Variants in WSCD1 observed in about 807,000 individuals in gnomAD.
The protein encoded by WSCD1 is WSC domain sialate O sulfotransferase 1.
WSCD1 carries 41 observed loss-of-function variants against 60.4 expected under a neutral mutation model. The observed-to-expected ratio is 0.68, with a 90% CI of 0.53 to 0.88. The LOEUF (loss-of-function observed/expected upper bound fraction) is 0.88, where lower values mean the gene tolerates loss of function less well. WSCD1 is among the 40% of genes least tolerant of loss of function. The pLI, the probability that WSCD1 is intolerant of heterozygous loss-of-function variation, is 0.00. For synonymous variants in WSCD1, 361 were observed against 332.5 expected (o/e 1.09, Z -0.93); for missense variants, 784 against 796.2 (o/e 0.98, Z 0.18).
In WSCD1 at chr17:6,080,638, G is replaced by A. The variant is rs1909170076; in HGVS notation, c.-21G>A. 1 of 1,611,486 alleles carries A rather than the reference G, an allele frequency of 6.2e-7. No individual in the cohort carries two copies. Among genetic ancestry groups the A allele is most frequent in the African/African-American group, 1.3e-5 (1 of 74,760 alleles). On this transcript the variant is annotated 5_prime_UTR_variant, in exon 2 of 9. Coordinates refer to ENST00000317744, the MANE Select transcript of WSCD1 (RefSeq NM_015253.2). The surrounding 1 kb of genome is among the most constrained non-coding windows in gnomAD (Gnocchi z 6.6). Reference sequence around the variant, plus strand: ...AGGAGCCATCCCGGGGCTCCAGCCAGGAGCCCTGCTGCCCAGGGGCATGGC... The same window carrying A: ...AGGAGCCATCCCGGGGCTCCAGCCAAGAGCCCTGCTGCCCAGGGGCATGGC...
rs1597368545 is a variant in WSCD1, at chr17:6,109,618, G to A, written c.861G>A (p.Leu287=). 1.9e-6 allele frequency: 3 copies of A among 1,613,796 alleles called. 1 individual carries two copies. In the East Asian group the frequency reaches 6.7e-5, roughly 36 times the overall value. The part of the protein sequence containing the change: ...SGFCSQKEFP[L]AILRGWECYC... Reference sequence around the variant, plus strand: ...TCGTTCCCTGGCAGGAGTTCCCCTTGGCCATTCTCAGGGGCTGGGAATGCT... The same window carrying A: ...TCGTTCCCTGGCAGGAGTTCCCCTTAGCCATTCTCAGGGGCTGGGAATGCT... Residue 287 remains leucine (L), a synonymous_variant, in exon 6 of 9, where the codon TTG becomes TTA. Coordinates refer to ENST00000317744, the MANE Select transcript of WSCD1 (RefSeq NM_015253.2).
intron 2 of WSCD1, among the ~76,000 whole-genome samples, chr17:6,083,859 A>G (rs1909443417): frequency 6.6e-6 from 1 of 152,184 alleles, no homozygotes; most frequent in African/African-American, 2.4e-5. Flanking sequence ...TGCAGAGTGT[A>G]TATGTCTCAG....
intron 1 of WSCD1, among the ~76,000 whole-genome samples, chr17:6,076,531 C>T (rs1243884443): frequency 6.6e-6 from 1 of 152,194 alleles, no homozygotes; most frequent in Non-Finnish European, 1.5e-5. Context: ...CTTTTGCATT[C>T]ATAACCAATC....
In WSCD1 at chr17:6,080,811, C is replaced by CCT; in HGVS notation, c.154_155dup (p.Gln53CysfsTer41). 5.0e-6 allele frequency: 8 copies of CCT among 1,609,568 alleles called. No homozygotes were observed. The highest frequency in any genetic ancestry group is 6.8e-6 in the Non-Finnish European group (8 of 1,178,672). On this transcript the variant is annotated frameshift_variant, in exon 2 of 9. Transcript: ENST00000317744. LOFTEE classifies it high-confidence loss of function. The surrounding 1 kb of genome is among the most constrained non-coding windows in gnomAD (Gnocchi z 6.6). Reference sequence around the variant, plus strand: ...CACAGGGCCCCCGGGCACCCGGCCCCCTGCAGACCTTGCCAGTGGCCGCCG... The same window carrying CCT: ...CACAGGGCCCCCGGGCACCCGGCCCCCTCTGCAGACCTTGCCAGTGGCCGCCG...
chr17:6,084,116 C>T (rs1909462588), intron 2 of WSCD1, among the ~76,000 whole-genome samples: 1 of 152,222 alleles, frequency 6.6e-6, no homozygotes, highest in Non-Finnish European at 1.5e-5. Flanking sequence ...CAGTGGCTCC[C>T]AGACCTCCCC....
Position 6,080,875 on chromosome 17 carries a change from C to T in WSCD1, c.217C>T (p.His73Tyr). 2 of 1,604,118 alleles carry T rather than the reference C, an allele frequency of 1.2e-6. No homozygotes were observed. The highest frequency in any genetic ancestry group is 8.5e-7 in the Non-Finnish European group (1 of 1,178,244). The change falls in exon 2 of 9, where the codon CAC becomes TAC. Residue 73 changes from histidine (H) to tyrosine (Y), a missense_variant. His to Tyr is a moderately conservative substitution (Grantham distance 83). Coordinates refer to ENST00000317744, the MANE Select transcript of WSCD1 (RefSeq NM_015253.2). The surrounding 1 kb of genome is among the most constrained non-coding windows in gnomAD (Gnocchi z 6.6). ...GGGCTTGCTGGACAGCAGAGCCCTG[C>T]ACGACCCTCGAGTCAGCCCAGAGCT... is the stretch of plus-strand genomic sequence containing the variant. ...GVGLLDSRAL[H>Y]DPRVSPELLL...
intron 2 of WSCD1, among the ~76,000 whole-genome samples, chr17:6,087,424 T>C (rs1457563501): frequency 2.0e-5 from 3 of 152,210 alleles, no homozygotes; most frequent in African/African-American, 7.2e-5. Context: ...CTTAACAGAC[T>C]CTGCGGACAC....
chr17:6,072,803 G>C (rs1201776936), intron 1 of WSCD1, among the ~76,000 whole-genome samples: 1 of 152,150 alleles, frequency 6.6e-6, no homozygotes, highest in Non-Finnish European at 1.5e-5. Flanking sequence ...TGACAATCGT[G>C]CTGACATACG....
At position 6,091,960 on chromosome 17, in the gene WSCD1, G is replaced by T. The variant is rs185996723; in HGVS notation, c.727+1455G>T. Among the ~76,000 whole-genome samples the T allele has an allele frequency of 6.9e-3, 1,044 of 152,230 alleles. 13 individuals carry two copies. The highest frequency in any genetic ancestry group is 0.012 in the African/African-American group (492 of 41,544). On this transcript the variant is annotated intron_variant, in intron 4 of 8. Coordinates refer to ENST00000317744, the MANE Select transcript of WSCD1 (RefSeq NM_015253.2). ...TCATGAGGTCAGGAGTTCGAGACCA[G>T]CCTGACCAACATGGTGAAAACCCGT...
Position 6,090,462 on chromosome 17 carries a change from C to G in WSCD1, c.684C>G (p.Leu228=), listed in dbSNP as rs757757866. The change falls in exon 4 of 9, where the codon CTC becomes CTG. Residue 228 remains leucine, a synonymous_variant. Transcript: ENST00000317744. ...KGSVCGAVDR[L]SVYRVDELQP... ...CTGTGTGCGGGGCTGTGGACCGGCT[C>G]TCCGTGTACCGTGTGGACGAGCTGC... The G allele has an allele frequency of 1.9e-6, 3 of 1,613,414 alleles. No homozygotes were observed. The highest frequency in any genetic ancestry group is 2.2e-5 in the South Asian group (2 of 90,984).
intron 3 of WSCD1, among the ~76,000 whole-genome samples, 198 bp downstream of exon 3, chr17:6,088,302 C>G (rs1044817629): frequency 6.6e-6 from 1 of 151,746 alleles, no homozygotes; most frequent in Admixed American, 6.6e-5. Context: ...GGGTGATGGC[C>G]TGGGTGCTGA....
At chr17:6,107,708 TG>T (rs1366304042) in intron 5 of WSCD1, among the ~76,000 whole-genome samples, 21 of 152,088 alleles carry the variant, frequency 1.4e-4, no homozygotes, top group Non-Finnish European at 2.8e-4. Context: ...ATGAAGGTGT[TG>T]GTGTGGAATG....
At chr17:6,109,983 A>C (rs764396255) in intron 6 of WSCD1, among the ~76,000 whole-genome samples, 27 of 152,202 alleles carry the variant, frequency 1.8e-4, no homozygotes, top group Non-Finnish European at 7.3e-5. Context: ...TTTAAAAAAC[A>C]CTGGACCCTT....
intron 2 of WSCD1, 63 bp from the exon 3 acceptor site, chr17:6,087,927 T>A: frequency 7.1e-7 from 1 of 1,401,204 alleles, no homozygotes; most frequent in Non-Finnish European, 1.0e-6. Context: ...TCCCCTGGCT[T>A]TTCCTAAGGG....
intron 4 of WSCD1, among the ~76,000 whole-genome samples, chr17:6,091,827 G>A (rs746412257): frequency 2.0e-5 from 3 of 152,150 alleles, no homozygotes; most frequent in Non-Finnish European, 2.9e-5. Flanking sequence ...GAGAGCTGAC[G>A]GATTAGTTCA....
chr17:6,109,584 C>T (rs373036784), intron 5 of WSCD1, 23 bp from the exon 6 acceptor site: 2 of 1,610,272 alleles, frequency 1.2e-6, no homozygotes, highest in African/African-American at 2.7e-5. Flanking sequence ...CAGTGTGCTT[C>T]TCTTCTTATC....
Position 6,080,691 on chromosome 17 carries a change from T to A in WSCD1, c.33T>A (p.Phe11Leu), listed in dbSNP as rs1475006779. 1 of 1,613,598 alleles carries A rather than the reference T, an allele frequency of 6.2e-7. No homozygotes were observed. Among genetic ancestry groups the A allele is most frequent in the East Asian group, 2.2e-5 (1 of 44,860 alleles). MAKPFFRLQK[F>L]LRRTQFLLFF... ...AACCTTTCTTCCGACTCCAGAAGTT[T>A]CTCCGCCGAACACAGTTCCTGCTGT... The change falls in exon 2 of 9, where the codon TTT becomes TTA. Residue 11 changes from phenylalanine (F) to leucine (L), a missense_variant. Phe to Leu is a conservative substitution (Grantham distance 22, BLOSUM62 0). Coordinates refer to ENST00000317744, the MANE Select transcript of WSCD1 (RefSeq NM_015253.2). This position sits in a 1 kb window ranked among gnomAD's most constrained non-coding sequence, Gnocchi z 6.6.
chr17:6,095,356 A>T, intron 5 of WSCD1, 133 bp downstream of exon 5: 7 of 1,265,998 alleles, frequency 5.5e-6, no homozygotes, highest in Non-Finnish European at 7.3e-6. Context: ...GGGGGCATGG[A>T]TGGGAGGCAG....
intron 4 of WSCD1, among the ~76,000 whole-genome samples, chr17:6,090,955 A>G (rs761010916): frequency 6.6e-6 from 1 of 152,076 alleles, no homozygotes; most frequent in Non-Finnish European, 1.5e-5. Flanking sequence ...CAATGGCCCA[A>G]TCTCGGCTCA....
Sources: gnomAD v4.1 joint callset for allele counts (sites outside exome capture counted in the v4.1 genomes callset) on GRCh38, gnomAD v4.1.1 for gene constraint, Gnocchi (gnomAD v3.1) non-coding constraint, MANE v1.5 for transcripts, NCBI Gene and HGNC (gene_info 2026-07-23, HGNC 2026-07-21) for gene names.